The following ATG4C variants were observed in gnomAD, a reference collection of about 807,000 sequenced individuals.
ATG4C encodes autophagy related 4C cysteine peptidase.
In ATG4C, 56 loss-of-function variants were observed where a neutral mutation model predicts 57.6. The ratio of observed to expected loss-of-function variants is 0.97; its 90% CI spans 0.78 to 1.21. The LOEUF (loss-of-function observed/expected upper bound fraction) is 1.21. Among genes scored for constraint, ATG4C ranks in the 50% most tolerant of loss-of-function variants. The pLI is 0.00. For missense variants in ATG4C, 595 were observed against 529.8 expected (o/e 1.12, Z -1.21); for synonymous variants, 157 against 174.1 (o/e 0.90, Z 0.78).
At chr1:62,859,727 C>T (rs371598288) in intron 10 of ATG4C, among the ~76,000 whole-genome samples, 207 of 151,926 alleles carry the variant, frequency 1.4e-3, no homozygotes, top group African/African-American at 4.6e-3. Flanking sequence ...GATGGAGTCT[C>T]GCTCTGTCGC....
intron 3 of ATG4C, among the ~76,000 whole-genome samples, chr1:62,810,891 A>T (rs1177299638): frequency 6.6e-6 from 1 of 152,104 alleles, no homozygotes; most frequent in African/African-American, 2.4e-5. Context: ...TCTATTTCTA[A>T]CTGGATCATA....
At chr1:62,792,383 T>C (rs1359741050) in intron 1 of ATG4C, among the ~76,000 whole-genome samples, 1 of 152,164 alleles carries the variant, frequency 6.6e-6, no homozygotes, top group African/African-American at 2.4e-5. Flanking sequence ...GTTGAAGGAA[T>C]TGGGACATTT....
At chr1:62,820,914 G>C (rs1194403827) in intron 5 of ATG4C, among the ~76,000 whole-genome samples, 1 of 151,920 alleles carries the variant, frequency 6.6e-6, no homozygotes, top group African/African-American at 2.4e-5. Context: ...AATGTATTTT[G>C]TAATTTGTGT....
rs1257350746 is a variant in ATG4C at position 62,864,178 on chromosome 1, T to G, written c.*19T>G. The G allele has an allele frequency of 6.3e-7, 1 of 1,574,940 alleles. No individual in the cohort carries two copies. Among genetic ancestry groups the G allele is most frequent in the East Asian group, 2.3e-5 (1 of 43,550 alleles). On this transcript the variant is annotated 3_prime_UTR_variant, in exon 11 of 11. Transcript: ENST00000317868. The stretch of plus-strand genomic sequence containing the variant: ...GCTTTAAAGATTAGCACATTTGTGC[T>G]TGATAAGAAGAATTCCATTGAAAGG...
intron 10 of ATG4C, among the ~76,000 whole-genome samples, chr1:62,855,675 T>C (rs535218281): frequency 1.3e-5 from 2 of 152,356 alleles, no homozygotes; most frequent in Admixed American, 6.5e-5. Flanking sequence ...CTATGGTATA[T>C]TATCTCATTT....
chr1:62,821,050 T>C (rs1665464415), intron 5 of ATG4C, 89 bp from the exon 6 acceptor site: 2 of 986,630 alleles, frequency 2.0e-6, no homozygotes, highest in African/African-American at 1.7e-5. Flanking sequence ...GTCACAAAAC[T>C]GCTGGCATTT....
At chr1:62,789,584 C>T (rs1464826619) in intron 1 of ATG4C, among the ~76,000 whole-genome samples, 2 of 151,956 alleles carry the variant, frequency 1.3e-5, no homozygotes, top group African/African-American at 2.4e-5. Flanking sequence ...GAGGCCGAGG[C>T]GGGTGGATCA....
chr1:62,798,453 C>T (rs1015884210), intron 1 of ATG4C, among the ~76,000 whole-genome samples: 3 of 152,096 alleles, frequency 2.0e-5, no homozygotes, highest in African/African-American at 7.2e-5. Context: ...TTAAATAGTA[C>T]TAAACTTTAC....
rs368712297 is a variant in ATG4C at position 62,847,249 on chromosome 1, C to T, written c.1209+5702C>T. ...TAAATAAAAAACAGAAACCATAAGT[C>T]GAAGCACTGACATATCCTAAAGCAT... On this transcript the variant is annotated intron_variant, in intron 10 of 10. Transcript: ENST00000317868. 6.6e-5 allele frequency among the ~76,000 whole-genome samples: 10 copies of T among 152,030 alleles called. No homozygotes were observed. In the East Asian group the frequency reaches 1.5e-3, roughly 24 times the overall value.
chr1:62,801,394 A>G (rs1387539004), intron 1 of ATG4C, among the ~76,000 whole-genome samples: 1 of 152,236 alleles, frequency 6.6e-6, no homozygotes, highest in Non-Finnish European at 1.5e-5. Context: ...TGTAAATTCC[A>G]AGAGAACAGG....
chr1:62,818,832 A>G (rs1265531039), intron 4 of ATG4C, among the ~76,000 whole-genome samples, 173 bp from the exon 5 acceptor site: 1 of 152,104 alleles, frequency 6.6e-6, no homozygotes, highest in Admixed American at 6.6e-5. Flanking sequence ...AGCCACTCCC[A>G]GTACCTCTCC....
At chr1:62,787,257 C>T (rs1392816535) in intron 1 of ATG4C, among the ~76,000 whole-genome samples, 1 of 151,922 alleles carries the variant, frequency 6.6e-6, no homozygotes, top group East Asian at 1.9e-4. Flanking sequence ...TTTTTGGTAT[C>T]ATTTTTTCTT....
chr1:62,786,205 C>T (rs1290962937), intron 1 of ATG4C, among the ~76,000 whole-genome samples: 1 of 152,126 alleles, frequency 6.6e-6, no homozygotes, highest in Admixed American at 6.5e-5. Context: ...TGTGCTCTAT[C>T]CTGAAATATA....
intron 10 of ATG4C, among the ~76,000 whole-genome samples, chr1:62,842,287 C>CGG (rs1216979085): frequency 6.8e-6 from 1 of 147,912 alleles, no homozygotes; most frequent in Non-Finnish European, 1.5e-5. Flanking sequence ...GACCAATACT[C>CGG]GTCATTTTTG....
At chr1:62,809,391 A>G (rs1160857067) in intron 3 of ATG4C, among the ~76,000 whole-genome samples, 4 of 148,334 alleles carry the variant, frequency 2.7e-5, no homozygotes, top group Admixed American at 1.4e-4. Flanking sequence ...GTAAATGTAT[A>G]TATGTTTATA....
chr1:62,791,732 G>T (rs142446922), intron 1 of ATG4C, among the ~76,000 whole-genome samples: 4 of 152,136 alleles, frequency 2.6e-5, no homozygotes, highest in Non-Finnish European at 5.9e-5. Context: ...CAGTTACCCA[G>T]TCATCTCTTA....
chr1:62,850,866 A>G (rs1372053358), intron 10 of ATG4C, among the ~76,000 whole-genome samples: 5,276 of 69,714 alleles, frequency 0.076, 417 homozygotes, highest in African/African-American at 0.24. Context: ...ATATATATAT[A>G]TATATATATA....
intron 10 of ATG4C, among the ~76,000 whole-genome samples, chr1:62,862,640 A>G (rs1319447752): frequency 6.6e-6 from 1 of 152,030 alleles, no homozygotes; most frequent in African/African-American, 2.4e-5. Context: ...CACAATATGA[A>G]CTATAGGATC....
chr1:62,793,932 A>G (rs767324646), intron 1 of ATG4C, among the ~76,000 whole-genome samples: 2 of 152,140 alleles, frequency 1.3e-5, no homozygotes, highest in Non-Finnish European at 2.9e-5. Context: ...AAGAGCTTGG[A>G]AAGTTGCGTT....
Sources: allele counts gnomAD v4.1 joint callset (sites outside exome capture counted in the v4.1 genomes callset), GRCh38; gene constraint gnomAD v4.1.1; transcripts MANE v1.5; gene names NCBI Gene and HGNC (gene_info 2026-07-23, HGNC 2026-07-21).